The following PDE6A variants were observed in gnomAD, a reference collection of about 807,000 sequenced individuals.
PDE6A encodes the protein rod cGMP-specific 3',5'-cyclic phosphodiesterase subunit alpha.
Under a neutral mutation model 106.3 loss-of-function variants are expected in PDE6A, and 84 were observed. The observed-to-expected ratio is 0.79, with a 90% CI of 0.66 to 0.95. The LOEUF (loss-of-function observed/expected upper bound fraction) is 0.95, where lower values mean the gene tolerates loss of function less well. Among genes scored for constraint, PDE6A ranks in the 40% least tolerant of loss-of-function variants. The probability of loss-of-function intolerance (pLI) is 0.00; values close to 1 mark genes in which losing one functional copy is unlikely to be tolerated. For synonymous variants in PDE6A, 394 were observed against 386.6 expected, an observed-to-expected ratio of 1.02 and a Z score of -0.23; for missense variants, 1,052 against 1,084.9, an observed-to-expected ratio of 0.97 and a Z score of 0.43.
chr5:149,900,401 G>A (rs245072), intron 8 of PDE6A, among the ~76,000 whole-genome samples: 105,385 of 116,962 alleles, frequency 0.9, 47,006 homozygotes, highest in African/African-American at 0.96. Flanking sequence ...ATATATATCC[G>A]TTGGTTCATC....
chr5:149,879,320 C>T (rs1297999229), intron 17 of PDE6A, among the ~76,000 whole-genome samples: 1 of 152,158 alleles, frequency 6.6e-6, no homozygotes, highest in African/African-American at 2.4e-5. Context: ...GATCCGCCTG[C>T]CTCAGCCTCC....
chr5:149,938,957 C>CT (rs939314753), intron 1 of PDE6A, among the ~76,000 whole-genome samples: 1 of 152,146 alleles, frequency 6.6e-6, no homozygotes, highest in African/African-American at 2.4e-5. Context: ...GAGAGTATCA[C>CT]TTTTTGGTGG....
Position 149,863,009 on chromosome 5 carries a change from C to T in PDE6A, c.2506+110G>A. ...CACACAGAATGGGGACAGTATTGGC[C>T]ATCAGGAGGCCTGAATGAGACTCCG... On this transcript the variant is annotated intron_variant, in intron 21 of 21. Transcript: ENST00000255266. This position sits in a 1 kb window ranked among gnomAD's most constrained non-coding sequence, Gnocchi z 4.7. The T allele has an allele frequency of 3.1e-6, 4 of 1,304,788 alleles. No individual in the cohort carries two copies. In the East Asian group the frequency reaches 9.2e-5, roughly 30 times the overall value. The allele number at this position is 1,304,788 out of a possible 1,614,324, so 80.8% of individuals were successfully genotyped here.
In PDE6A at chr5:149,894,757, A is replaced by T. The variant is rs187748096; in HGVS notation, c.1728+426T>A. On this transcript the variant is annotated intron_variant, in intron 13 of 21. Transcript: ENST00000255266. ...AGGAATTCTCTGCCTCAGCCTCCCA[A>T]GTAGCTGGGATTACAGGTGCCCGCC... Among the ~76,000 whole-genome samples the T allele has an allele frequency of 2.6e-3, 389 of 150,786 alleles. 2 individuals carry two copies. The highest frequency in any genetic ancestry group is 8.8e-3 in the African/African-American group (358 of 40,748).
chr5:149,915,090 A>G, intron 5 of PDE6A, 83 bp from the exon 6 acceptor site: 1 of 822,350 alleles, frequency 1.2e-6, no homozygotes, highest in Non-Finnish European at 1.9e-6. Flanking sequence ...GCTGGAGTGC[A>G]ATGGCTTGAT....
intron 17 of PDE6A, among the ~76,000 whole-genome samples, chr5:149,873,955 A>G (rs1760646772): frequency 6.6e-6 from 1 of 151,612 alleles, no homozygotes; most frequent in Non-Finnish European, 1.5e-5. Context: ...ACAGTGAGCT[A>G]TGATCATGCC....
intron 17 of PDE6A, among the ~76,000 whole-genome samples, chr5:149,880,402 G>T (rs1317226217): frequency 1.3e-5 from 2 of 152,192 alleles, no homozygotes; most frequent in South Asian, 2.1e-4. Flanking sequence ...GTCAAAAAAA[G>T]AAAAACATTA....
intron 17 of PDE6A, among the ~76,000 whole-genome samples, chr5:149,876,991 T>G (rs1195825212): frequency 1.3e-5 from 2 of 151,326 alleles, no homozygotes; most frequent in East Asian, 3.9e-4. Context: ...TGAGAGACTA[T>G]TGACCAAATA....
At chr5:149,902,205 T>G (rs1475529240) in intron 8 of PDE6A, among the ~76,000 whole-genome samples, 2 of 152,244 alleles carry the variant, frequency 1.3e-5, no homozygotes, top group East Asian at 1.9e-4. Flanking sequence ...TCAGATTTGT[T>G]GGCTTATTCT....
chr5:149,899,547 G>T, intron 8 of PDE6A, 23 bp from the exon 9 acceptor site: 2 of 1,613,330 alleles, frequency 1.2e-6, no homozygotes, highest in Non-Finnish European at 1.7e-6. Flanking sequence ...GGCTAGATTA[G>T]GTTTCCTCTT....
At chr5:149,882,458 A>G (rs953224198) in intron 17 of PDE6A, among the ~76,000 whole-genome samples, 1 of 152,042 alleles carries the variant, frequency 6.6e-6, no homozygotes, top group African/African-American at 2.4e-5. Flanking sequence ...GACCCATCAC[A>G]GAGGAGCCAG....
At chr5:149,896,067 T>C (rs1409536838) in intron 12 of PDE6A, among the ~76,000 whole-genome samples, 2 of 152,174 alleles carry the variant, frequency 1.3e-5, no homozygotes, top group Non-Finnish European at 2.9e-5. Flanking sequence ...CTCATTTAAC[T>C]ATAGGACCCA....
Position 149,886,344 on chromosome 5 carries a change from G to A in PDE6A, c.1759C>T (p.Leu587=). 3 of 1,614,162 alleles carry A rather than the reference G, an allele frequency of 1.9e-6. No individual in the cohort carries two copies. The highest frequency in any genetic ancestry group is 2.5e-6 in the Non-Finnish European group (3 of 1,179,986). ...TGKLKRYFTD[L]EALAMVTAAF... is the part of the protein sequence containing the mutation. The stretch of plus-strand genomic sequence containing the variant: ...GCAGTGACCATGGCCAAGGCCTCTA[G>A]GTCCGTGAAGTAGCGCTTCAGCTTT... Residue 587 remains leucine, a synonymous_variant, in exon 14 of 22, where the codon CTA becomes TTA. Transcript: ENST00000255266.
At chr5:149,924,233 T>C (rs1183428849) in intron 4 of PDE6A, among the ~76,000 whole-genome samples, 1 of 151,888 alleles carries the variant, frequency 6.6e-6, no homozygotes, top group Non-Finnish European at 1.5e-5. Context: ...ACCAAAACAG[T>C]GCTGGAAGGA....
intron 14 of PDE6A, 94 bp from the exon 15 acceptor site, chr5:149,884,961 C>T: frequency 1.0e-6 from 1 of 994,270 alleles, no homozygotes. Context: ...GCCTTCTCCA[C>T]AAGTGATTCC....
At chr5:149,934,099 C>A in intron 2 of PDE6A, 80 bp from the exon 3 acceptor site, 1 of 808,144 alleles carries the variant, frequency 1.2e-6, no homozygotes, top group Non-Finnish European at 2.1e-6. Flanking sequence ...CAGCAAATAT[C>A]TGAATATTTT....
rs970799649 is a variant in PDE6A, at chr5:149,919,275, G to A, written c.933+2360C>T. ...TAATCCTAGCACTTTGGGAGGCGGAGGTGGGCAGAGCACTTGAGGTCAGGA... is the reference window on the plus strand; with the variant it reads ...TAATCCTAGCACTTTGGGAGGCGGAAGTGGGCAGAGCACTTGAGGTCAGGA... On this transcript the variant is annotated intron_variant, in intron 5 of 21. Coordinates refer to ENST00000255266, the MANE Select transcript of PDE6A (RefSeq NM_000440.3). Among the ~76,000 whole-genome samples the A allele has an allele frequency of 9.8e-5, 15 of 152,296 alleles. 2 individuals are homozygous for A. Among genetic ancestry groups the A allele is most frequent in the Admixed American group, 8.5e-4 (13 of 15,298 alleles).
At chr5:149,892,798 T>C (rs186081474) in intron 13 of PDE6A, among the ~76,000 whole-genome samples, 227 of 129,910 alleles carry the variant, frequency 1.7e-3, no homozygotes, top group Non-Finnish European at 2.8e-3. Context: ...AATTTATAGA[T>C]AGAGATAAAG....
chr5:149,920,942 A>AAAAGAGAAAG (rs1554091219), intron 5 of PDE6A, among the ~76,000 whole-genome samples: 1 of 108,282 alleles, frequency 9.2e-6, no homozygotes, highest in Non-Finnish European at 1.8e-5. Context: ...GAAAGAGAGA[A>AAAAGAGAAAG]AAAGAAAGAA....
Sources: gnomAD v4.1 joint callset for allele counts (sites outside exome capture counted in the v4.1 genomes callset) on GRCh38, gnomAD v4.1.1 for gene constraint, Gnocchi (gnomAD v3.1) non-coding constraint, MANE v1.5 for transcripts, NCBI Gene and HGNC (gene_info 2026-07-23, HGNC 2026-07-21) for gene names.